The following MYO3B variants were observed in gnomAD, a reference collection of about 807,000 sequenced individuals.
MYO3B encodes myosin-IIIb.
MYO3B carries 156 observed loss-of-function variants against 174.6 expected under a neutral mutation model. That is an observed-to-expected ratio of 0.89 (90% CI 0.78 to 1.02). The LOEUF is 1.02. Ranked by LOEUF, MYO3B falls within the 50% of genes least tolerant of loss-of-function variation. MYO3B has a pLI of 0.00. For synonymous variants in MYO3B, 563 were observed against 569.1 expected, an observed-to-expected ratio of 0.99 and a Z score of 0.15; for missense variants, 1,632 against 1,639.4, an observed-to-expected ratio of 1.00 and a Z score of 0.08.
At chr2:170,536,298 T>C (rs138054130) in intron 30 of MYO3B, among the ~76,000 whole-genome samples, 2 of 152,272 alleles carry the variant, frequency 1.3e-5, no homozygotes, top group Non-Finnish European at 2.9e-5. Context: ...ATCAGCCTTT[T>C]TGAGCCCTTC....
intron 23 of MYO3B, among the ~76,000 whole-genome samples, chr2:170,448,186 A>G (rs1004738781): frequency 7.2e-5 from 11 of 152,210 alleles, no homozygotes; most frequent in Admixed American, 6.5e-4. Flanking sequence ...AAGGGCTGTT[A>G]TTGTCTTTGT....
chr2:170,632,977 T>TAACA, intron 32 of MYO3B, among the ~76,000 whole-genome samples: 1 of 152,250 alleles, frequency 6.6e-6, no homozygotes, highest in Admixed American at 6.5e-5. Flanking sequence ...AGGCAATAAC[T>TAACA]AACAGCCTAC....
chr2:170,502,401 C>G (rs1159537127), intron 28 of MYO3B, among the ~76,000 whole-genome samples: 2 of 152,212 alleles, frequency 1.3e-5, no homozygotes, highest in Non-Finnish European at 2.9e-5. Flanking sequence ...CAGGGAGTTT[C>G]CCAGCAAACT....
Position 170,401,715 on chromosome 2 carries a change from G to A in MYO3B, c.2129+24G>A, listed in dbSNP as rs747365855. The A allele has an allele frequency of 2.5e-6, 4 of 1,605,004 alleles. No individual in the cohort carries two copies. In the East Asian group the frequency reaches 8.9e-5, roughly 36 times the overall value. ...TGGCAAGTTCCTCGGAGAGCAGAGG[G>A]TCTCAGGAGAGCTGTCATTGACCCC... On this transcript the variant is annotated intron_variant, in intron 18 of 34. Transcript: ENST00000408978.
chr2:170,401,687 A>G lies in MYO3B; in HGVS notation c.2125A>G (p.Ile709Val). Residue 709 changes from isoleucine to valine, a missense_variant, in exon 18 of 35, where the codon ATA (isoleucine) becomes GTA (valine). Ile to Val is a conservative substitution (Grantham distance 29, BLOSUM62 3). Transcript: ENST00000408978. ...TACACTCCTGCAGCCAGACGAAAAC[A>G]TATGGCAAGTTCCTCGGAGAGCAGA... ...INTLLQPDEN[I>V]CSAGGGMNVG... 2 of 1,613,276 alleles carry G rather than the reference A, an allele frequency of 1.2e-6. No individual in the cohort carries two copies. The highest frequency in any genetic ancestry group is 1.1e-5 in the South Asian group (1 of 91,074).
intron 23 of MYO3B, among the ~76,000 whole-genome samples, chr2:170,445,240 A>G (rs1027670511): frequency 2.6e-5 from 4 of 152,194 alleles, no homozygotes; most frequent in Non-Finnish European, 2.9e-5. Context: ...AATCAATAGC[A>G]CTGTAACACA....
intron 7 of MYO3B, among the ~76,000 whole-genome samples, chr2:170,292,922 G>A (rs922855754): frequency 6.6e-6 from 1 of 152,158 alleles, no homozygotes; most frequent in Non-Finnish European, 1.5e-5. Flanking sequence ...CAGAACTCCT[G>A]CCAGGGAATC....
At chr2:170,469,765 T>C (rs1684856241) in intron 25 of MYO3B, among the ~76,000 whole-genome samples, 1 of 152,158 alleles carries the variant, frequency 6.6e-6, no homozygotes, top group Non-Finnish European at 1.5e-5. Flanking sequence ...TATTAACAGC[T>C]CAATTTAGAT....
At chr2:170,620,518 A>T (rs1347344840) in intron 32 of MYO3B, among the ~76,000 whole-genome samples, 1 of 152,216 alleles carries the variant, frequency 6.6e-6, no homozygotes, top group Non-Finnish European at 1.5e-5. Flanking sequence ...GTAGGCTAAC[A>T]AGTTAGCCTG....
intron 25 of MYO3B, among the ~76,000 whole-genome samples, chr2:170,494,927 T>C (rs1686757723): frequency 6.6e-6 from 1 of 152,144 alleles, no homozygotes. Context: ...GAACCACTTA[T>C]CTGGTTCCTA....
chr2:170,538,486 A>T (rs997303658), intron 30 of MYO3B, among the ~76,000 whole-genome samples: 1 of 152,230 alleles, frequency 6.6e-6, no homozygotes, highest in Non-Finnish European at 1.5e-5. Context: ...GCGCAGCGTG[A>T]CAGAGCCAGC....
intron 2 of MYO3B, 91 bp downstream of exon 2, chr2:170,199,482 A>G (rs2092638091): frequency 2.9e-6 from 3 of 1,027,244 alleles, no homozygotes; most frequent in Non-Finnish European, 1.4e-6. Flanking sequence ...TTTAATTTTC[A>G]TGAAACCTGG....
chr2:170,545,331 G>A (rs1352659381), intron 32 of MYO3B, among the ~76,000 whole-genome samples: 2 of 152,204 alleles, frequency 1.3e-5, no homozygotes, highest in Non-Finnish European at 2.9e-5. Flanking sequence ...AAATAGTAAT[G>A]CATATCTGAG....
chr2:170,433,682 C>T (rs112823075), intron 22 of MYO3B, among the ~76,000 whole-genome samples: 2 of 152,184 alleles, frequency 1.3e-5, no homozygotes, highest in Non-Finnish European at 2.9e-5. Context: ...CTTTTTCGGG[C>T]CTTCCCAGCC....
intron 32 of MYO3B, among the ~76,000 whole-genome samples, chr2:170,550,567 T>C (rs891462147): frequency 2.6e-5 from 4 of 152,256 alleles, no homozygotes; most frequent in African/African-American, 9.6e-5. Flanking sequence ...GCTTTATATA[T>C]GTGGCTTTCT....
chr2:170,326,373 G>T (rs2093867697), intron 7 of MYO3B, among the ~76,000 whole-genome samples: 1 of 152,084 alleles, frequency 6.6e-6, no homozygotes, highest in Non-Finnish European at 1.5e-5. Context: ...AAAGAACAGG[G>T]TTGTGGTTTC....
At chr2:170,235,851 A>G in intron 6 of MYO3B, 140 bp from the exon 7 acceptor site, 2 of 961,332 alleles carry the variant, frequency 2.1e-6, no homozygotes. Context: ...AAGGCCTAGA[A>G]TGCACACATC....
intron 7 of MYO3B, among the ~76,000 whole-genome samples, chr2:170,253,901 C>T (rs546889113): frequency 4.1e-5 from 6 of 144,942 alleles, no homozygotes; most frequent in South Asian, 4.5e-4. Flanking sequence ...GGGGCGGGGG[C>T]GGGCAGTGAT....
chr2:170,288,003 G>C (rs1050694060), intron 7 of MYO3B, among the ~76,000 whole-genome samples: 1 of 151,938 alleles, frequency 6.6e-6, no homozygotes, highest in African/African-American at 2.4e-5. Context: ...GTATGTTCTT[G>C]GTACCTTTGT....
Sources: gnomAD v4.1 joint callset for allele counts (sites outside exome capture counted in the v4.1 genomes callset) on GRCh38, gnomAD v4.1.1 for gene constraint, MANE v1.5 for transcripts, NCBI Gene and HGNC (gene_info 2026-07-23, HGNC 2026-07-21) for gene names.